NLRP4: variants seen among roughly 807,000 people sequenced by gnomAD.
NLRP4 encodes NACHT, LRR and PYD domains-containing protein 4.
NLRP4 carries 44 observed loss-of-function variants against 84.7 expected under a neutral mutation model. That is an observed-to-expected ratio of 0.52 (90% CI 0.41 to 0.67). The LOEUF (loss-of-function observed/expected upper bound fraction) is 0.67. NLRP4 is among the 30% of genes least tolerant of loss of function. NLRP4 has a pLI of 0.00. For synonymous variants in NLRP4, 544 were observed against 476.4 expected (o/e 1.14, Z -1.85); for missense variants, 1,260 against 1,219.4 (o/e 1.03, Z -0.50).
At chr19:55,873,567 T>C (rs1985267169) in intron 7 of NLRP4, among the ~76,000 whole-genome samples, 1 of 152,192 alleles carries the variant, frequency 6.6e-6, no homozygotes, top group African/African-American at 2.4e-5. Flanking sequence ...TTGTACAACA[T>C]TGTGAACTGT....
intron 1 of NLRP4, 123 bp from the exon 2 acceptor site, chr19:55,851,893 T>C (rs77767613): frequency 0.034 from 18,768 of 553,262 alleles, 483 homozygotes; most frequent in East Asian, 0.092. Flanking sequence ...GAAGGTGAGA[T>C]GAATGTAATT....
rs758024954 is a variant in NLRP4 at position 55,861,367 on chromosome 19, C to T, written c.1857-19C>T. 3.0e-5 allele frequency: 49 copies of T among 1,608,396 alleles called. 1 individual carries two copies. Among genetic ancestry groups the T allele is most frequent in the South Asian group, 1.9e-4 (17 of 90,666 alleles). Reference sequence around the variant, plus strand: ...GTTGACCGCCTGCCTGTGGAAAGCTCGTCCTTTCTTGACCACAGGTCGGAT... The same window carrying T: ...GTTGACCGCCTGCCTGTGGAAAGCTTGTCCTTTCTTGACCACAGGTCGGAT... On this transcript the variant is annotated intron_variant, in intron 3 of 9. Coordinates refer to ENST00000301295, the MANE Select transcript of NLRP4 (RefSeq NM_134444.5).
intron 1 of NLRP4, among the ~76,000 whole-genome samples, chr19:55,850,091 GTGGCTGCGGTGTAATTACCGT>G (rs1984005146): frequency 2.7e-5 from 4 of 145,504 alleles, no homozygotes; most frequent in African/African-American, 7.8e-5. Context: ...TGTAATTTCC[GTGGCTGCGGTGTAATTACCGT>G]AGCTGCGGTG....
intron 1 of NLRP4, among the ~76,000 whole-genome samples, chr19:55,838,007 G>T (rs1278679931): frequency 9.0e-6 from 1 of 111,544 alleles, no homozygotes; most frequent in Non-Finnish European, 1.9e-5. Flanking sequence ...TTGCACTCCA[G>T]CCTGGGTGAC....
intron 8 of NLRP4, among the ~76,000 whole-genome samples, chr19:55,878,406 A>ACC (rs1985449255): frequency 6.6e-6 from 1 of 152,134 alleles, no homozygotes; most frequent in African/African-American, 2.4e-5. Context: ...GATGACAGAG[A>ACC]CCCCATCTCC....
chr19:55,873,512 C>T (rs920848894), intron 7 of NLRP4, among the ~76,000 whole-genome samples: 5 of 152,034 alleles, frequency 3.3e-5, no homozygotes, highest in Admixed American at 6.6e-5. Flanking sequence ...CATATTAAAA[C>T]GTAACTAATG....
At position 55,869,526 on chromosome 19, in the gene NLRP4, C is replaced by A. The variant is rs567923627; in HGVS notation, c.2355-1301C>A. ...AACAGGAAGCAGTTGCCCGTTCTGT[C>A]CTAGCCTGTTGGATTTCCATGTGGG... On this transcript the variant is annotated intron_variant, in intron 6 of 9. Coordinates refer to ENST00000301295, the MANE Select transcript of NLRP4 (RefSeq NM_134444.5). Among the ~76,000 whole-genome samples the A allele has an allele frequency of 1.1e-3, 165 of 152,256 alleles. 1 individual carries two copies. The highest frequency in any genetic ancestry group is 3.9e-3 in the African/African-American group (161 of 41,560).
rs566232447 is a variant in NLRP4 at position 55,840,436 on chromosome 19, T to C, written c.-66+3502T>C. 7.2e-5 allele frequency among the ~76,000 whole-genome samples: 11 copies of C among 152,190 alleles called. No homozygotes were observed. In the East Asian group the frequency reaches 2.1e-3, roughly 29 times the overall value. ...TCTTGCTCTGTTGCCCAGGCTGGAA[T>C]GCAGTGGTGCCATCTCAGCTCACTG... is the stretch of plus-strand genomic sequence containing the variant. On this transcript the variant is annotated intron_variant, in intron 1 of 9. Coordinates refer to ENST00000301295, the MANE Select transcript of NLRP4 (RefSeq NM_134444.5).
Position 55,859,011 on chromosome 19 carries a change from G to C in NLRP4, c.1618G>C (p.Glu540Gln), listed in dbSNP as rs1984601628. 1 of 1,614,174 alleles carries C rather than the reference G, an allele frequency of 6.2e-7. No homozygotes were observed. The highest frequency in any genetic ancestry group is 1.1e-5 in the South Asian group (1 of 91,084). Residue 540 changes from glutamate to glutamine, a missense_variant, in exon 3 of 10, where the codon GAG becomes CAG. By Grantham distance (29) the Glu-to-Gln change is conservative (BLOSUM62 2). Around this residue, in one of 3 missense-constraint regions of NLRP4, gnomAD observed 712 missense variants for 669.2 expected, o/e 1.06. Coordinates refer to ENST00000301295, the MANE Select transcript of NLRP4 (RefSeq NM_134444.5). Reference sequence around the variant, plus strand: ...TCACCAGTGCCTGAAGAGCTTAGGGGAGCGTGGCAATCCTCAGGGACAGGT... The same window carrying C: ...TCACCAGTGCCTGAAGAGCTTAGGGCAGCGTGGCAATCCTCAGGGACAGGT... ...QIHQCLKSLG[E>Q]RGNPQGQVDS...
At chr19:55,879,947 A>C (rs575864435) in intron 9 of NLRP4, among the ~76,000 whole-genome samples, 1 of 151,782 alleles carries the variant, frequency 6.6e-6, no homozygotes. Context: ...AACATAATTT[A>C]TATTTTAATT....
At chr19:55,864,303 C>A (rs1984872631) in intron 5 of NLRP4, among the ~76,000 whole-genome samples, 1 of 152,212 alleles carries the variant, frequency 6.6e-6, no homozygotes, top group Non-Finnish European at 1.5e-5. Context: ...CCAGGCGTCT[C>A]ATGTAAGTTG....
intron 2 of NLRP4, among the ~76,000 whole-genome samples, chr19:55,856,798 A>G (rs114641017): frequency 0.027 from 4,158 of 152,088 alleles, 110 homozygotes; most frequent in African/African-American, 0.068. Flanking sequence ...ACAGGCATGA[A>G]CCACTGCCCC....
intron 5 of NLRP4, among the ~76,000 whole-genome samples, chr19:55,867,066 C>A (rs1165655589): frequency 6.7e-6 from 1 of 149,576 alleles, no homozygotes; most frequent in East Asian, 2.0e-4. Context: ...CGGTGCATCT[C>A]AGGTTGGCTG....
rs567666272 is a variant in NLRP4, at chr19:55,861,562, G to A, written c.2018+15G>A. On this transcript the variant is annotated intron_variant, in intron 4 of 9. Coordinates refer to ENST00000301295, the MANE Select transcript of NLRP4 (RefSeq NM_134444.5). ...CAGAAGCTTGGGTGAGTTGAGAATC[G>A]ACTTCGACTCGAGTATGTCACGGAG... The A allele has an allele frequency of 1.1e-4, 180 of 1,611,114 alleles. 2 individuals carry two copies. The South Asian group carries it at 1.9e-3, about 17-fold the overall frequency.
chr19:55,857,544 C>A, intron 2 of NLRP4, 130 bp from the exon 3 acceptor site: 1 of 716,252 alleles, frequency 1.4e-6, no homozygotes, highest in Non-Finnish European at 2.3e-6. Flanking sequence ...CAAGAGGAGA[C>A]TGACCAGGTT....
In NLRP4 at chr19:55,859,100, A is replaced by G; in HGVS notation, c.1707A>G (p.Ala569=). 6.2e-7 allele frequency: 1 copy of G among 1,614,030 alleles called. No homozygotes were observed. Among genetic ancestry groups the G allele is most frequent in the Non-Finnish European group, 8.5e-7 (1 of 1,179,896 alleles). The stretch of plus-strand genomic sequence containing the variant: ...AGGATCCTGCCTTTGTGAAGCAGGC[A>G]GTGAACCTCCTCCAAGAAGCTAACT... ...EMQDPAFVKQ[A]VNLLQEANFH... Residue 569 remains alanine, a synonymous_variant, in exon 3 of 10, where the codon GCA becomes GCG. Transcript: ENST00000301295.
At chr19:55,853,953 C>G (rs1394000963) in intron 2 of NLRP4, among the ~76,000 whole-genome samples, 2 of 131,942 alleles carry the variant, frequency 1.5e-5, no homozygotes, top group African/African-American at 7.3e-5. Context: ...CTGTCTTTCT[C>G]TCTATTTCTC....
At chr19:55,859,956 A>AAC (rs1984674379) in intron 3 of NLRP4, among the ~76,000 whole-genome samples, 1 of 141,984 alleles carries the variant, frequency 7.0e-6, no homozygotes, top group African/African-American at 2.5e-5. Context: ...AAAAAAACAA[A>AAC]ACACAAATCA....
chr19:55,851,845 C>T (rs1421833070), intron 1 of NLRP4, among the ~76,000 whole-genome samples, 171 bp from the exon 2 acceptor site: 5 of 152,106 alleles, frequency 3.3e-5, no homozygotes, highest in Admixed American at 6.5e-5. Context: ...CTCTGATTCC[C>T]CCATCCATTA....
Sources: allele counts gnomAD v4.1 joint callset (sites outside exome capture counted in the v4.1 genomes callset), GRCh38; gene constraint gnomAD v4.1.1; regional missense constraint gnomAD v4.1.1; transcripts MANE v1.5; gene names NCBI Gene and HGNC (gene_info 2026-07-23, HGNC 2026-07-21).